Variants in CAB39 observed in about 807,000 individuals in gnomAD.
CAB39 encodes calcium binding protein 39.
In CAB39, 8 loss-of-function variants were observed where a neutral mutation model predicts 40.0. That is an observed-to-expected ratio of 0.20 (90% CI 0.12 to 0.36). The LOEUF is 0.36. CAB39 is among the 10% of genes least tolerant of loss of function. CAB39 has a pLI of 1.00. For synonymous variants in CAB39, 156 were observed against 141.6 expected, an observed-to-expected ratio of 1.10 and a Z score of -0.72; for missense variants, 270 against 401.1, an observed-to-expected ratio of 0.67 and a Z score of 2.79.
intron 2 of CAB39, among the ~76,000 whole-genome samples, chr2:230,766,064 G>A (rs772766197): frequency 6.6e-6 from 1 of 152,172 alleles, no homozygotes; most frequent in Non-Finnish European, 1.5e-5. Flanking sequence ...ATCAGGATTC[G>A]AAAGGAAGTA....
intron 1 of CAB39, chr2:230,725,393 G>C: frequency 6.3e-7 from 1 of 1,599,764 alleles, no homozygotes. Flanking sequence ...GTGCTTTTGG[G>C]AGGTTGTCAT....
At chr2:230,754,545 G>A (rs1018893632) in intron 1 of CAB39, among the ~76,000 whole-genome samples, 2 of 146,422 alleles carry the variant, frequency 1.4e-5, no homozygotes, top group African/African-American at 2.6e-5. Context: ...CCTCTTCTCC[G>A]TCTTGCTCTG....
chr2:230,718,594 T>C (rs891728004), intron 1 of CAB39, among the ~76,000 whole-genome samples: 2 of 152,218 alleles, frequency 1.3e-5, no homozygotes, highest in African/African-American at 2.4e-5. Context: ...TGGATGGTAA[T>C]AGTAGACCAT....
At chr2:230,723,257 C>T (rs1044198939) in intron 1 of CAB39, among the ~76,000 whole-genome samples, 2 of 151,834 alleles carry the variant, frequency 1.3e-5, no homozygotes, top group African/African-American at 4.8e-5. Flanking sequence ...GTGTCCTGAC[C>T]TAAGAAAAGG....
Position 230,820,325 on chromosome 2 carries a change from G to A in CAB39, c.*1621G>A, listed in dbSNP as rs1696487501. On this transcript the variant is annotated 3_prime_UTR_variant, in exon 9 of 9. Transcript: ENST00000258418. ...GGCCTCCCAATTGCTGTTTCAGCAG[G>A]TTTTAAACCTTCAGGAACACCAGTT... is the stretch of plus-strand genomic sequence containing the variant. 6.6e-6 allele frequency: 1 copy of A among 152,150 alleles called. No homozygotes were observed. 9.4% of individuals were successfully genotyped at this position (152,150 alleles called of 1,614,324 possible).
chr2:230,744,923 C>G (rs1694946723), intron 1 of CAB39, among the ~76,000 whole-genome samples: 1 of 152,120 alleles, frequency 6.6e-6, no homozygotes, highest in Non-Finnish European at 1.5e-5. Context: ...AAAGCAAAGC[C>G]CACTCTTTTC....
intron 2 of CAB39, among the ~76,000 whole-genome samples, chr2:230,789,189 A>G (rs1233862013): frequency 6.6e-6 from 1 of 151,984 alleles, no homozygotes; most frequent in Non-Finnish European, 1.5e-5. Flanking sequence ...TTTATCTTAG[A>G]CCTTGTAGTT....
chr2:230,730,641 A>C (rs1694671452), intron 1 of CAB39, among the ~76,000 whole-genome samples: 1 of 152,068 alleles, frequency 6.6e-6, no homozygotes, highest in Non-Finnish European at 1.5e-5. Flanking sequence ...ACAGGGTTCC[A>C]TCATGTTGGC....
At chr2:230,793,123 A>G in intron 3 of CAB39, 90 bp from the exon 4 acceptor site, 1 of 714,038 alleles carries the variant, frequency 1.4e-6, no homozygotes, top group Non-Finnish European at 2.5e-6. Context: ...AACAATAAGT[A>G]CAATGGCCTT....
chr2:230,791,080 A>G (rs375571681), intron 3 of CAB39, 44 bp downstream of exon 3: 40 of 1,384,288 alleles, frequency 2.9e-5, no homozygotes, highest in Non-Finnish European at 3.9e-5. Flanking sequence ...TACCCTGTGC[A>G]TAATTCTTTT....
At chr2:230,790,802 T>C in intron 2 of CAB39, 70 bp from the exon 3 acceptor site, 2 of 1,340,340 alleles carry the variant, frequency 1.5e-6, no homozygotes, top group Non-Finnish European at 2.1e-6. Context: ...TTGACAAATT[T>C]TGACGTGTTA....
Position 230,773,314 on chromosome 2 carries a change from A to ATATGTGTGTGTG in CAB39, c.114+13200_114+13201insATGTGTGTGTGT, listed in dbSNP as rs371297550. Among the ~76,000 whole-genome samples the ATATGTGTGTGTG allele has an allele frequency of 6.4e-3, 843 of 132,642 alleles. 14 individuals carry two copies. Among genetic ancestry groups the ATATGTGTGTGTG allele is most frequent in the African/African-American group, 0.024 (775 of 32,386 alleles). 87.0% of individuals were successfully genotyped at this position (132,642 alleles called of 152,430 possible). On this transcript the variant is annotated intron_variant, in intron 2 of 8. Transcript: ENST00000258418. ...GGTGTATGTGTATATATATATATATATGTGTGTGTGTGTGTGTGTGTGTGT... is the reference window on the plus strand; with the variant it reads ...GGTGTATGTGTATATATATATATATATATGTGTGTGTGTGTGTGTGTGTGTGTGTGTGTGTGT...
At chr2:230,720,522 G>A (rs1277438211) in intron 1 of CAB39, among the ~76,000 whole-genome samples, 1 of 152,008 alleles carries the variant, frequency 6.6e-6, no homozygotes, top group East Asian at 1.9e-4. Context: ...TGCAACCTCC[G>A]CCTCCCGGGT....
intron 1 of CAB39, among the ~76,000 whole-genome samples, chr2:230,730,475 G>T (rs571293248): frequency 6.9e-6 from 1 of 144,372 alleles, no homozygotes; most frequent in Non-Finnish European, 1.5e-5. Context: ...ACCAAGTCTC[G>T]CTCTTGTGCC....
At chr2:230,739,069 A>C (rs1694832659) in intron 1 of CAB39, among the ~76,000 whole-genome samples, 1 of 152,150 alleles carries the variant, frequency 6.6e-6, no homozygotes, top group Non-Finnish European at 1.5e-5. Flanking sequence ...ATTCTTTTAA[A>C]GGAATTATCT....
At chr2:230,783,760 C>T (rs934407254) in intron 2 of CAB39, among the ~76,000 whole-genome samples, 1 of 152,242 alleles carries the variant, frequency 6.6e-6, no homozygotes. Flanking sequence ...CCTTGGCCTC[C>T]CAAAGTGCTG....
chr2:230,812,336 T>C lies in CAB39; in HGVS notation c.628-1713T>C, dbSNP rs990328010. 2.0e-5 allele frequency among the ~76,000 whole-genome samples: 3 copies of C among 152,272 alleles called. No individual in the cohort carries two copies. In the South Asian group the frequency reaches 6.2e-4, roughly 32 times the overall value. ...GATGCAGTTCCCTGAAAGCAAGTCT[T>C]TGAGGAACCCAGAAGTGGGTGGGAG... On this transcript the variant is annotated intron_variant, in intron 6 of 8. Coordinates refer to ENST00000258418, the MANE Select transcript of CAB39 (RefSeq NM_016289.4).
Position 230,817,704 on chromosome 2 carries a change from ATTTTTC to A in CAB39, c.694-46_694-41del, listed in dbSNP as rs758328293. On this transcript the variant is annotated intron_variant, in intron 7 of 8. Coordinates refer to ENST00000258418, the MANE Select transcript of CAB39 (RefSeq NM_016289.4). ...AAATAAATTGTTTTTTTAAACTTTG[ATTTTTC>A]TTTAAGTTTTAATAACAAGGTAATT... 3 of 1,442,388 alleles carry A rather than the reference ATTTTTC, an allele frequency of 2.1e-6. No homozygotes were observed. The Admixed American group carries it at 6.7e-5, about 32-fold the overall frequency. 89.3% of individuals were successfully genotyped at this position (1,442,388 alleles called of 1,614,324 possible).
chr2:230,767,648 C>T (rs1695411598), intron 2 of CAB39, among the ~76,000 whole-genome samples: 1 of 152,100 alleles, frequency 6.6e-6, no homozygotes, highest in African/African-American at 2.4e-5. Flanking sequence ...AGGCAGAGAC[C>T]TTATATGGCC....
Sources: gnomAD v4.1 joint callset for allele counts (sites outside exome capture counted in the v4.1 genomes callset) on GRCh38, gnomAD v4.1.1 for gene constraint, MANE v1.5 for transcripts, NCBI Gene and HGNC (gene_info 2026-07-23, HGNC 2026-07-21) for gene names.